Variants in FOXP1 observed in about 807,000 individuals in gnomAD.
The protein encoded by FOXP1 is forkhead box protein P1.
A neutral mutation model predicts 98.2 loss-of-function variants in FOXP1; 15 were observed. The ratio of observed to expected loss-of-function variants is 0.15; its 90% CI spans 0.10 to 0.24. The LOEUF (loss-of-function observed/expected upper bound fraction) is 0.24, where lower values mean the gene tolerates loss of function less well. Among genes scored for constraint, FOXP1 ranks in the 10% least tolerant of loss-of-function variants. The pLI is 1.00. For synonymous variants in FOXP1, 371 were observed against 314.5 expected (o/e 1.18, Z -1.90); for missense variants, 633 against 848.5 (o/e 0.75, Z 3.15).
intron 6 of FOXP1, chr3:71,197,981 G>C (rs778600677): frequency 6.2e-7 from 1 of 1,614,198 alleles, no homozygotes. Context: ...AAGGGGACCT[G>C]CAGGACTTCC....
intron 7 of FOXP1, among the ~76,000 whole-genome samples, chr3:71,055,746 A>G (rs186506024): frequency 1.1e-3 from 167 of 152,314 alleles, no homozygotes; most frequent in Non-Finnish European, 1.6e-3. Context: ...TCACAATAGA[A>G]GTTTACTTTT....
At chr3:71,064,136 C>T (rs2051991757) in intron 7 of FOXP1, among the ~76,000 whole-genome samples, 1 of 152,210 alleles carries the variant, frequency 6.6e-6, no homozygotes, top group African/African-American at 2.4e-5. Context: ...AATCCCCAAC[C>T]TGCCAGAGTG....
intron 5 of FOXP1, among the ~76,000 whole-genome samples, chr3:71,233,945 A>G (rs935527973): frequency 1.3e-5 from 2 of 152,100 alleles, no homozygotes; most frequent in African/African-American, 2.4e-5. Context: ...TGTGTTCTCA[A>G]TGTTCTCTGG....
intron 11 of FOXP1, among the ~76,000 whole-genome samples, chr3:71,020,630 A>G (rs60687654): frequency 0.16 from 24,957 of 152,150 alleles, 2,867 homozygotes; most frequent in African/African-American, 0.32. Context: ...GAATTTCTGA[A>G]GGAGATGAAG....
chr3:71,134,634 A>T lies in FOXP1; in HGVS notation c.181-21997T>A, dbSNP rs115952569. On this transcript the variant is annotated intron_variant, in intron 6 of 20. Coordinates refer to ENST00000649528, the MANE Select transcript of FOXP1 (RefSeq NM_001349338.3). ...GGTTAAGCTGGGCAATTAAAGCCAA[A>T]GATACACCTTGTAAATGAGAACAGA... 7.5e-3 allele frequency among the ~76,000 whole-genome samples: 1,149 copies of T among 152,346 alleles called. 18 individuals carry two copies. Among genetic ancestry groups the T allele is most frequent in the African/African-American group, 0.027 (1,120 of 41,580 alleles).
intron 6 of FOXP1, among the ~76,000 whole-genome samples, chr3:71,171,743 T>C (rs1197039269): frequency 6.6e-6 from 1 of 152,232 alleles, no homozygotes; most frequent in African/African-American, 2.4e-5. Context: ...GGAAAATGTG[T>C]ATGTAACAAC....
chr3:71,350,461 C>T (rs2077703824), intron 4 of FOXP1, among the ~76,000 whole-genome samples: 1 of 152,152 alleles, frequency 6.6e-6, no homozygotes, highest in African/African-American at 2.4e-5. Flanking sequence ...GTCTACCTTG[C>T]ACATGTAAGT....
chr3:71,454,794 T>C (rs1315185111), intron 3 of FOXP1, among the ~76,000 whole-genome samples: 1 of 91,784 alleles, frequency 1.1e-5, no homozygotes, highest in African/African-American at 3.2e-5. Flanking sequence ...TTGTTTTCTT[T>C]AAAAAAAAAA....
intron 6 of FOXP1, among the ~76,000 whole-genome samples, chr3:71,115,952 G>A (rs962649188): frequency 3.9e-5 from 6 of 151,976 alleles, no homozygotes; most frequent in African/African-American, 7.2e-5. Context: ...GGCCGGGCTA[G>A]TCTTGAACTC....
chr3:71,484,464 ATTC>A (rs2090511139), intron 3 of FOXP1, among the ~76,000 whole-genome samples: 1 of 152,192 alleles, frequency 6.6e-6, no homozygotes, highest in Non-Finnish European at 1.5e-5. Context: ...CATCCTCAAT[ATTC>A]TTGGTTTTAT....
chr3:71,045,696 G>C (rs2048929530), intron 10 of FOXP1, among the ~76,000 whole-genome samples: 1 of 152,086 alleles, frequency 6.6e-6, no homozygotes, highest in Non-Finnish European at 1.5e-5. Context: ...AAAAGCCCTG[G>C]TCTCGATACT....
At chr3:71,014,569 T>C (rs1409300322) in intron 12 of FOXP1, among the ~76,000 whole-genome samples, 2 of 152,212 alleles carry the variant, frequency 1.3e-5, no homozygotes, top group Admixed American at 6.5e-5. Flanking sequence ...ACAACCATTG[T>C]GGAAGAAAGT....
intron 6 of FOXP1, among the ~76,000 whole-genome samples, chr3:71,125,427 A>C (rs1182654338): frequency 1.3e-5 from 2 of 152,214 alleles, no homozygotes; most frequent in African/African-American, 4.8e-5. Flanking sequence ...GATTAAAAAA[A>C]ATTAGACACG....
chr3:71,572,464 A>G (rs1244665325), intron 2 of FOXP1: 1 of 151,994 alleles, frequency 6.6e-6, no homozygotes, highest in African/African-American at 2.4e-5. Context: ...GGAAAAATCA[A>G]TAAGCTATAG....
intron 6 of FOXP1, among the ~76,000 whole-genome samples, chr3:71,140,951 GA>G (rs1203035978): frequency 1.9e-3 from 265 of 139,576 alleles, no homozygotes; most frequent in South Asian, 3.4e-3. Context: ...TGGTCTCCAA[GA>G]AAAAAAAAAA....
At chr3:71,053,568 G>T in intron 8 of FOXP1, 68 bp downstream of exon 8, 1 of 1,595,372 alleles carries the variant, frequency 6.3e-7, no homozygotes. Flanking sequence ...AGGGGAGATT[G>T]CGAATGGAGT....
At chr3:71,528,114 A>G (rs1424454720) in intron 2 of FOXP1, among the ~76,000 whole-genome samples, 2 of 152,232 alleles carry the variant, frequency 1.3e-5, no homozygotes, top group African/African-American at 2.4e-5. Context: ...CAGATCCCCA[A>G]CAATGCAGTC....
intron 6 of FOXP1, among the ~76,000 whole-genome samples, chr3:71,125,960 G>A (rs937702314): frequency 6.6e-6 from 1 of 152,044 alleles, no homozygotes; most frequent in African/African-American, 2.4e-5. Flanking sequence ...AAGAATGGGA[G>A]GAACTGAAAG....
chr3:70,964,324 G>A, intron 20 of FOXP1, among the ~76,000 whole-genome samples: 1 of 152,208 alleles, frequency 6.6e-6, no homozygotes, highest in African/African-American at 2.4e-5. Context: ...ACCCTGCAGT[G>A]ACTTTCTTTC....
Sources: gnomAD v4.1 joint callset for allele counts (sites outside exome capture counted in the v4.1 genomes callset) on GRCh38, gnomAD v4.1.1 for gene constraint, MANE v1.5 for transcripts, NCBI Gene and HGNC (gene_info 2026-07-23, HGNC 2026-07-21) for gene names.